LRP1: variants seen among roughly 807,000 people sequenced by gnomAD.
LRP1 encodes the protein LDL receptor related protein 1.
Under a neutral mutation model 541.5 loss-of-function variants are expected in LRP1, and 51 were observed. The ratio of observed to expected loss-of-function variants is 0.09; its 90% CI spans 0.08 to 0.12. The LOEUF is 0.12. LRP1 is among the 10% of genes least tolerant of loss of function. LRP1 has a pLI of 1.00. For missense variants in LRP1, 3,878 were observed against 6,376.2 expected, an observed-to-expected ratio of 0.61 and a Z score of 13.34; for synonymous variants, 2,219 against 2,470.8, an observed-to-expected ratio of 0.90 and a Z score of 3.02.
At chr12:57,182,037 AT>A (rs1365681602) in intron 34 of LRP1, among the ~76,000 whole-genome samples, 2 of 152,112 alleles carry the variant, frequency 1.3e-5, no homozygotes, top group East Asian at 3.9e-4. Flanking sequence ...GAATATGTTT[AT>A]GTGTGCCAAG....
chr12:57,187,130 C>A lies in LRP1; in HGVS notation c.6842-137C>A. The A allele has an allele frequency of 2.5e-6, 2 of 808,630 alleles. 1 individual carries two copies. Among genetic ancestry groups the A allele is most frequent in the South Asian group, 3.7e-5 (2 of 54,750 alleles). 50.1% of individuals were successfully genotyped at this position (808,630 alleles called of 1,614,324 possible). On this transcript the variant is annotated intron_variant, in intron 41 of 88. Transcript: ENST00000243077. ...CCCTGGTGCCCCCGAGCCCTCTCTG[C>A]TGCACCTCTTGCACTCCCATACCCC...
Position 57,211,100 on chromosome 12 carries a change from G to A in LRP1, c.12917-76G>A. 6.5e-7 allele frequency: 1 copy of A among 1,527,900 alleles called. No homozygotes were observed. Among genetic ancestry groups the A allele is most frequent in the Admixed American group, 1.7e-5 (1 of 57,600 alleles). 94.6% of individuals were successfully genotyped at this position (1,527,900 alleles called of 1,614,324 possible). ...CCCCTGCACCAAGATTATGCAAACA[G>A]AAAAGCTCTGTTCAACCTATGGAGA... On this transcript the variant is annotated intron_variant, in intron 83 of 88. Transcript: ENST00000243077. This position sits in a 1 kb window ranked among gnomAD's most constrained non-coding sequence, Gnocchi z 4.3.
rs746721154 is a variant in LRP1, at chr12:57,195,277, A to G, written c.8315A>G (p.Lys2772Arg). The G allele has an allele frequency of 6.2e-7, 1 of 1,613,760 alleles. No individual in the cohort carries two copies. The highest frequency in any genetic ancestry group is 1.7e-5 in the Admixed American group (1 of 60,010). ...GSDEAAHCEG[K>R]TCGPSSFSCP... ...GCCCTCTCTCCCCCTACAGAAGGCA[A>G]GACGTGCGGCCCCTCCTCCTTCTCC... Residue 2772 changes from lysine (K) to arginine (R), a missense_variant, in exon 52 of 89, where the codon AAG (lysine) becomes AGG (arginine). Lys to Arg is a conservative substitution (Grantham distance 26). Coordinates refer to ENST00000243077, the MANE Select transcript of LRP1 (RefSeq NM_002332.3).
At chr12:57,131,267 G>A (rs1019412134) in intron 1 of LRP1, among the ~76,000 whole-genome samples, 4 of 152,108 alleles carry the variant, frequency 2.6e-5, no homozygotes, top group African/African-American at 7.2e-5. Flanking sequence ...AACTGCCTCT[G>A]GGGTCCCCTG....
Position 57,156,599 on chromosome 12 carries a change from T to C in LRP1, c.1418-178T>C, listed in dbSNP as rs538587040. On this transcript the variant is annotated intron_variant, in intron 9 of 88. Transcript: ENST00000243077. This position sits in a 1 kb window ranked among gnomAD's most constrained non-coding sequence, Gnocchi z 5.2. ...CTACTGAAGCCCCCACTCCAAGAGT[T>C]TGAAGGCTGGGTTGTTGGGGGGCAG... is the stretch of plus-strand genomic sequence containing the variant. Among the ~76,000 whole-genome samples, 32 of 152,228 alleles carry C rather than the reference T, an allele frequency of 2.1e-4. No homozygotes were observed. Among genetic ancestry groups the C allele is most frequent in the Non-Finnish European group, 3.8e-4 (26 of 68,036 alleles).
At chr12:57,202,001 G>T in intron 67 of LRP1, 96 bp downstream of exon 67, 1 of 1,530,600 alleles carries the variant, frequency 6.5e-7, no homozygotes, top group Non-Finnish European at 9.0e-7. Context: ...CCTGCTTACC[G>T]GTCTCAGCGT....
At position 57,165,344 on chromosome 12, in the gene LRP1, GA is replaced by G; in HGVS notation, c.2531-460del. 1 of 162,836 alleles carries G rather than the reference GA, an allele frequency of 6.1e-6. No homozygotes were observed. Among genetic ancestry groups the G allele is most frequent in the Non-Finnish European group, 1.4e-5 (1 of 73,702 alleles). 10.1% of individuals were successfully genotyped at this position (162,836 alleles called of 1,614,324 possible). A position where few individuals can be genotyped will look rare whatever the true frequency, so the allele number is the denominator to read the frequency against. On this transcript the variant is annotated intron_variant, in intron 15 of 88. Transcript: ENST00000243077. The surrounding 1 kb of genome is among the most constrained non-coding windows in gnomAD (Gnocchi z 4.5). ...GTGATGGTGAGGCATACGTTCTGGGGACAGGATGGGTGGAGCCTGCGCGGAT... is the reference window on the plus strand; with the variant it reads ...GTGATGGTGAGGCATACGTTCTGGGGCAGGATGGGTGGAGCCTGCGCGGAT...
At chr12:57,176,859 G>GT (rs1294845592) in intron 24 of LRP1, among the ~76,000 whole-genome samples, 182 bp from the exon 25 acceptor site, 1 of 149,204 alleles carries the variant, frequency 6.7e-6, no homozygotes, top group Non-Finnish European at 1.5e-5. Context: ...AGAAGACCCT[G>GT]TCTCAAAAAA....
chr12:57,162,979 C>T lies in LRP1; in HGVS notation c.2526C>T (p.Cys842=), dbSNP rs1277141239. The T allele has an allele frequency of 1.2e-6, 2 of 1,600,750 alleles. No individual in the cohort carries two copies. Among genetic ancestry groups the T allele is most frequent in the South Asian group, 1.1e-5 (1 of 89,282 alleles). ...TGTTGGACGCAGACGGCGTCACTTG[C>T]TTGGGTATGAGGTGCCTGGCTGGGT... The part of the protein sequence containing the change: ...DQVLDADGVT[C]LANPSYVPPP... The change falls in exon 15 of 89, where the codon TGC becomes TGT. Residue 842 remains cysteine (C), a synonymous_variant. Transcript: ENST00000243077. This position sits in a 1 kb window ranked among gnomAD's most constrained non-coding sequence, Gnocchi z 5.2.
intron 68 of LRP1, 148 bp from the exon 69 acceptor site, chr12:57,203,033 C>T (rs1313639784): frequency 1.6e-6 from 1 of 630,358 alleles, no homozygotes; most frequent in South Asian, 2.0e-5. Context: ...AGCCAGTGGG[C>T]TCTGCCAGGA....
intron 6 of LRP1, among the ~76,000 whole-genome samples, chr12:57,153,510 C>T (rs1449739045): frequency 6.6e-6 from 1 of 152,162 alleles, no homozygotes; most frequent in African/African-American, 2.4e-5. Context: ...CCTAGACTCT[C>T]TCTCCTCCAG....
chr12:57,179,695 C>T lies in LRP1; in HGVS notation c.4967-87C>T. On this transcript the variant is annotated intron_variant, in intron 29 of 88. Coordinates refer to ENST00000243077, the MANE Select transcript of LRP1 (RefSeq NM_002332.3). This position sits in a 1 kb window ranked among gnomAD's most constrained non-coding sequence, Gnocchi z 6.8. ...CAGTGCTCCAGCCTGGTTTCCTGAT[C>T]CCTTTTCTCCAGAAGGCACACTGGC... 5.5e-6 allele frequency: 8 copies of T among 1,442,008 alleles called. No individual in the cohort carries two copies. The highest frequency in any genetic ancestry group is 7.7e-6 in the Non-Finnish European group (8 of 1,040,030). 89.3% of individuals were successfully genotyped at this position (1,442,008 alleles called of 1,614,324 possible).
At chr12:57,134,806 C>T (rs1296290868) in intron 1 of LRP1, among the ~76,000 whole-genome samples, 1 of 152,160 alleles carries the variant, frequency 6.6e-6, no homozygotes, top group Admixed American at 6.5e-5. Context: ...CCCTGGTTCA[C>T]GCCATTCTCC....
At chr12:57,152,177 T>A (rs2035539320) in intron 6 of LRP1, among the ~76,000 whole-genome samples, 1 of 152,060 alleles carries the variant, frequency 6.6e-6, no homozygotes, top group Non-Finnish European at 1.5e-5. Flanking sequence ...GCATCAGATC[T>A]CTGCAGGTTT....
Position 57,177,984 on chromosome 12 carries a change from C to A in LRP1, c.4362-375C>A, listed in dbSNP as rs1390486080. On this transcript the variant is annotated intron_variant, in intron 26 of 88. Coordinates refer to ENST00000243077, the MANE Select transcript of LRP1 (RefSeq NM_002332.3). The surrounding 1 kb of genome is among the most constrained non-coding windows in gnomAD (Gnocchi z 6.8). The stretch of plus-strand genomic sequence containing the variant: ...TTTTTTTTGAGACAGAGTCTCGCTC[C>A]GTCGCCCAGGCTGGAGTGCAGTGGC... Among the ~76,000 whole-genome samples, 1 of 148,718 alleles carries A rather than the reference C, an allele frequency of 6.7e-6. No individual in the cohort carries two copies. The highest frequency in any genetic ancestry group is 6.7e-5 in the Admixed American group (1 of 14,936).
At chr12:57,157,737 C>T (rs907109745) in intron 10 of LRP1, among the ~76,000 whole-genome samples, 1 of 152,214 alleles carries the variant, frequency 6.6e-6, no homozygotes, top group Non-Finnish European at 1.5e-5. Context: ...CATGTAACTC[C>T]CTGAGGGAGG....
At chr12:57,200,981 C>T in intron 64 of LRP1, 53 bp from the exon 65 acceptor site, 2 of 1,611,796 alleles carry the variant, frequency 1.2e-6, no homozygotes, top group Non-Finnish European at 1.7e-6. Context: ...GGCACCCTCT[C>T]CCTGCCCCTG....
intron 1 of LRP1, among the ~76,000 whole-genome samples, chr12:57,138,116 C>T (rs188944512): frequency 3.3e-5 from 5 of 152,284 alleles, no homozygotes; most frequent in Admixed American, 2.0e-4. Context: ...CACCCCCCTT[C>T]ACCATCACTC....
Position 57,162,559 on chromosome 12 carries a change from G to C in LRP1, c.2404+41G>C. ...TGGGGGCAGCGTGGGACCTGGAAGG[G>C]GTGGTGGGACTTAGGCATTGATTTG... On this transcript the variant is annotated intron_variant, in intron 14 of 88. Coordinates refer to ENST00000243077, the MANE Select transcript of LRP1 (RefSeq NM_002332.3). The surrounding 1 kb of genome is among the most constrained non-coding windows in gnomAD (Gnocchi z 5.2). 6.2e-7 allele frequency: 1 copy of C among 1,607,432 alleles called. No homozygotes were observed. Among genetic ancestry groups the C allele is most frequent in the Non-Finnish European group, 8.5e-7 (1 of 1,176,270 alleles).
Sources: gnomAD v4.1 joint callset for allele counts (sites outside exome capture counted in the v4.1 genomes callset) on GRCh38, gnomAD v4.1.1 for gene constraint, Gnocchi (gnomAD v3.1) non-coding constraint, MANE v1.5 for transcripts, NCBI Gene and HGNC (gene_info 2026-07-23, HGNC 2026-07-21) for gene names.